The following TNK2 variants were observed in gnomAD, a reference collection of about 807,000 sequenced individuals.
The protein encoded by TNK2 is tyrosine kinase non receptor 2.
Under a neutral mutation model 101.8 loss-of-function variants are expected in TNK2, and 83 were observed. The ratio of observed to expected loss-of-function variants is 0.82; its 90% CI spans 0.68 to 0.98. The LOEUF (loss-of-function observed/expected upper bound fraction) is 0.98, where lower values mean the gene tolerates loss of function less well. Among genes scored for constraint, TNK2 ranks in the 50% least tolerant of loss-of-function variants. The pLI, the probability that TNK2 is intolerant of heterozygous loss-of-function variation, is 0.00. For missense variants in TNK2, 1,665 were observed against 1,483.2 expected, an observed-to-expected ratio of 1.12 and a Z score of -2.01; for synonymous variants, 804 against 633.0, an observed-to-expected ratio of 1.27 and a Z score of -4.06.
At chr3:195,883,358 C>T (rs2149560171) in intron 4 of TNK2, 49 bp from the exon 5 acceptor site, 2 of 1,603,222 alleles carry the variant, frequency 1.2e-6, no homozygotes, top group Non-Finnish European at 1.7e-6. Flanking sequence ...AGGTCCCAGA[C>T]ACGCGGAGCC....
chr3:195,868,600 G>A lies in TNK2; in HGVS notation c.1698C>T (p.Pro566=). The A allele has an allele frequency of 1.3e-6, 2 of 1,581,414 alleles. No individual in the cohort carries two copies. Among genetic ancestry groups the A allele is most frequent in the Non-Finnish European group, 1.7e-6 (2 of 1,172,742 alleles). ...CCTTGGTGCCCGGCACCCGCGCCGA[G>A]GGCTTCGCCAGCCACAGCCCTCGGG... ...GLPRGLWLAK[P]SARVPGTKAS... Residue 566 remains proline, a synonymous_variant, in exon 13 of 16, where the codon CCC becomes CCT. Transcript: ENST00000672887.
At chr3:195,893,363 CCT>C (rs1759374795) in intron 1 of TNK2, among the ~76,000 whole-genome samples, 1 of 151,908 alleles carries the variant, frequency 6.6e-6, no homozygotes, top group African/African-American at 2.4e-5. Context: ...CTGGGGTGGC[CCT>C]GTCTGCTGCC....
rs1454815352 is a variant in TNK2 at position 195,868,141 on chromosome 3, T to C, written c.2157A>G (p.Ala719=). 6.2e-7 allele frequency: 1 copy of C among 1,611,322 alleles called. No individual in the cohort carries two copies. The highest frequency in any genetic ancestry group is 1.3e-5 in the African/African-American group (1 of 74,842). ...CCTGCTGTAGCGCCTGGAAGATCTC[T>C]GCGGTCTGTGCGGAGCTGGGCGGCT... ...GGKPPSSAQT[A]EIFQALQQEC... Residue 719 remains alanine, a synonymous_variant, in exon 13 of 16, where the codon GCA becomes GCG. Transcript: ENST00000672887.
Position 195,885,741 on chromosome 3 carries a change from C to A in TNK2, c.235-708G>T. On this transcript the variant is annotated intron_variant, in intron 3 of 15. Transcript: ENST00000672887. This position sits in a 1 kb window ranked among gnomAD's most constrained non-coding sequence, Gnocchi z 4.7. ...GGGTGGACAGGGAGGAGCCGAAGGT[C>A]AAGGGACAGAAGAAAGGAGGCCATG... 2.1e-6 allele frequency: 1 copy of A among 474,188 alleles called. No individual in the cohort carries two copies. The highest frequency in any genetic ancestry group is 1.9e-5 in the South Asian group (1 of 53,172). 29.4% of individuals were successfully genotyped at this position (474,188 alleles called of 1,614,324 possible).
At position 195,885,050 on chromosome 3, in the gene TNK2, G is replaced by T. The variant is rs759468328; in HGVS notation, c.235-17C>A. On this transcript the variant is annotated splice_polypyrimidine_tract_variant and intron_variant, in intron 3 of 15. Coordinates refer to ENST00000672887, the MANE Select transcript of TNK2 (RefSeq NM_001382273.1). This position sits in a 1 kb window ranked among gnomAD's most constrained non-coding sequence, Gnocchi z 4.7. ...ACTGAACACCTGTTTGAAGGCAGCC[G>T]GGGGCCAGATGGAATCCAACACCCC... 14 of 1,569,794 alleles carry T rather than the reference G, an allele frequency of 8.9e-6. No homozygotes were observed. The East Asian group carries it at 3.2e-4, about 35-fold the overall frequency.
In TNK2 at chr3:195,867,541, G is replaced by A. The variant is rs1292202168; in HGVS notation, c.2757C>T (p.Ala919=). Residue 919 remains alanine (A), a synonymous_variant, in exon 13 of 16, where the codon GCC becomes GCT. Coordinates refer to ENST00000672887, the MANE Select transcript of TNK2 (RefSeq NM_001382273.1). ...LPPPSTPAPA[A]PTATVRPMPQ... ...GCATCGGCCGCACGGTGGCCGTGGG[G>A]GCGGCGGGGGCTGGGGTGCTGGGTG... 7 of 1,533,480 alleles carry A rather than the reference G, an allele frequency of 4.6e-6. No individual in the cohort carries two copies. The highest frequency in any genetic ancestry group is 1.2e-5 in the South Asian group (1 of 82,498). 95.0% of individuals were successfully genotyped at this position (1,533,480 alleles called of 1,614,324 possible). A position where few individuals can be genotyped will look rare whatever the true frequency, so the allele number is the denominator to read the frequency against.
At chr3:195,869,989 C>A in intron 11 of TNK2, 125 bp downstream of exon 11, 1 of 751,400 alleles carries the variant, frequency 1.3e-6, no homozygotes, top group Non-Finnish European at 2.1e-6. Flanking sequence ...ACAGCTGTCC[C>A]GCCTGCTGCC....
chr3:195,884,684 C>T (rs761510302), intron 4 of TNK2, 128 bp downstream of exon 4: 106 of 795,050 alleles, frequency 1.3e-4, no homozygotes, highest in Non-Finnish European at 1.9e-4. Flanking sequence ...ATCCTGAGCA[C>T]GGACTCTGGG....
At chr3:195,869,443 T>G (rs995783319) in intron 12 of TNK2, 54 bp downstream of exon 12, 31 of 1,462,774 alleles carry the variant, frequency 2.1e-5, no homozygotes, top group African/African-American at 7.6e-5. Flanking sequence ...AGGAGAGGAG[T>G]GAGAGAGAGG....
chr3:195,883,356 G>T, intron 4 of TNK2, 47 bp from the exon 5 acceptor site: 1 of 1,604,980 alleles, frequency 6.2e-7, no homozygotes, highest in South Asian at 1.1e-5. Flanking sequence ...CCAGGTCCCA[G>T]ACACGCGGAG....
chr3:195,867,322 C>A (rs776519861), intron 13 of TNK2, 39 bp downstream of exon 13: 5 of 1,609,456 alleles, frequency 3.1e-6, no homozygotes, highest in Non-Finnish European at 4.2e-6. Context: ...GCCCCTTGGG[C>A]CCTGCCCCGC....
chr3:195,878,480 G>T lies in TNK2; in HGVS notation c.1127C>A (p.Pro376His). The T allele has an allele frequency of 6.2e-7, 1 of 1,613,960 alleles. No homozygotes were observed. The highest frequency in any genetic ancestry group is 8.5e-7 in the Non-Finnish European group (1 of 1,180,042). ...QCWAHKPEDR[P>H]TFVALRDFLL... ...GAAGTCCCGCAGGGCCACAAACGTG[G>T]GTCTGTCCTCTGGCTTGTGAGCCCA... The change falls in exon 8 of 16, where the codon CCC becomes CAC. Residue 376 changes from proline to histidine, a missense_variant. By Grantham distance (77) the Pro-to-His change is moderately conservative. Around this residue, in one of 3 missense-constraint regions of TNK2, gnomAD observed 490 missense variants for 522.5 expected, o/e 0.94. Transcript: ENST00000672887. The surrounding 1 kb of genome is among the most constrained non-coding windows in gnomAD (Gnocchi z 4.7).
chr3:195,893,474 C>T (rs1246818898), intron 1 of TNK2, among the ~76,000 whole-genome samples: 1 of 152,118 alleles, frequency 6.6e-6, no homozygotes, highest in African/African-American at 2.4e-5. Context: ...GGGACGCCCC[C>T]ACCCCAAAGC....
At chr3:195,895,438 T>G in intron 1 of TNK2, 1 of 1,471,530 alleles carries the variant, frequency 6.8e-7, no homozygotes, top group Non-Finnish European at 9.0e-7. Flanking sequence ...GCAGGGCCGC[T>G]ACTGCGTCTC....
At chr3:195,883,397 A>G in intron 4 of TNK2, 88 bp from the exon 5 acceptor site, 1 of 1,508,374 alleles carries the variant, frequency 6.6e-7, no homozygotes, top group South Asian at 1.2e-5. Context: ...ACTCGGCTCA[A>G]CGATCCCTGC....
At chr3:195,870,707 C>T (rs1218706118) in intron 10 of TNK2, among the ~76,000 whole-genome samples, 1 of 152,258 alleles carries the variant, frequency 6.6e-6, no homozygotes, top group Non-Finnish European at 1.5e-5. Context: ...GTATCTGAGA[C>T]TTAGTCACTG....
intron 12 of TNK2, chr3:195,868,994 G>A: frequency 2.0e-6 from 1 of 499,918 alleles, no homozygotes; most frequent in Admixed American, 3.8e-5. Context: ...GCCTGACGCT[G>A]CCTCCACCAG....
chr3:195,897,778 A>G (rs1321145832), intron 1 of TNK2, among the ~76,000 whole-genome samples: 1 of 150,358 alleles, frequency 6.7e-6, no homozygotes, highest in Non-Finnish European at 1.5e-5. Flanking sequence ...CTGGGATTAC[A>G]GGCATGAGCC....
Position 195,868,667 on chromosome 3 carries a change from G to A in TNK2, c.1631C>T (p.Ser544Phe), listed in dbSNP as rs1277707360. ...DPVSEDQDPL[S>F]SDFKRLGLRK... Reference sequence around the variant, plus strand: ...CAGGCCCAGCCTCTTGAAGTCGCTGGACAAGGGGTCTTGGTCCTCGCTCAC... The same window carrying A: ...CAGGCCCAGCCTCTTGAAGTCGCTGAACAAGGGGTCTTGGTCCTCGCTCAC... Residue 544 changes from serine to phenylalanine, a missense_variant, in exon 13 of 16, where the codon TCC becomes TTC. Coordinates refer to ENST00000672887, the MANE Select transcript of TNK2 (RefSeq NM_001382273.1). The A allele has an allele frequency of 1.9e-6, 3 of 1,593,290 alleles. No individual in the cohort carries two copies. The African/African-American group carries it at 4.1e-5, about 22-fold the overall frequency.
Sources: allele counts gnomAD v4.1 joint callset (sites outside exome capture counted in the v4.1 genomes callset), GRCh38; gene constraint gnomAD v4.1.1; regional missense constraint gnomAD v4.1.1; non-coding constraint Gnocchi (gnomAD v3.1); transcripts MANE v1.5; gene names NCBI Gene and HGNC (gene_info 2026-07-23, HGNC 2026-07-21).